The following CTNNA3 variants were observed in gnomAD, a reference collection of about 807,000 sequenced individuals.
The protein encoded by CTNNA3 is catenin alpha 3.
A neutral mutation model predicts 95.7 loss-of-function variants in CTNNA3; 76 were observed. The observed-to-expected ratio is 0.79, with a 90% CI of 0.66 to 0.96. CTNNA3 has a LOEUF of 0.96. Ranked by LOEUF, CTNNA3 falls within the 40% of genes least tolerant of loss-of-function variation. CTNNA3 has a pLI of 0.00. For synonymous variants in CTNNA3, 431 were observed against 374.4 expected, an observed-to-expected ratio of 1.15 and a Z score of -1.74; for missense variants, 1,191 against 1,089.8, an observed-to-expected ratio of 1.09 and a Z score of -1.31.
intron 10 of CTNNA3, among the ~76,000 whole-genome samples, chr10:66,614,516 T>A (rs1844442913): frequency 6.6e-6 from 1 of 152,040 alleles, no homozygotes; most frequent in Non-Finnish European, 1.5e-5. Context: ...TCTTTTTATA[T>A]TTCACATGCT....
At chr10:65,960,520 G>A (rs74881356) in intron 17 of CTNNA3, among the ~76,000 whole-genome samples, 17,404 of 151,856 alleles carry the variant, frequency 0.11, 1,160 homozygotes, top group East Asian at 0.2. Flanking sequence ...GCGAGACTCC[G>A]TCTCAACAAC....
intron 7 of CTNNA3, among the ~76,000 whole-genome samples, chr10:67,050,959 A>C (rs1855051556): frequency 6.6e-6 from 1 of 152,318 alleles, no homozygotes; most frequent in Middle Eastern, 3.4e-3. Context: ...GAGTCCCACA[A>C]ATCAGCCCCC....
At chr10:66,620,921 G>A (rs759261793) in intron 10 of CTNNA3, among the ~76,000 whole-genome samples, 4 of 152,000 alleles carry the variant, frequency 2.6e-5, no homozygotes, top group Non-Finnish European at 5.9e-5. Flanking sequence ...TAACATTTGT[G>A]GTCTTTATTA....
chr10:66,704,828 C>T (rs1166763802), intron 9 of CTNNA3, among the ~76,000 whole-genome samples: 1 of 152,138 alleles, frequency 6.6e-6, no homozygotes, highest in Non-Finnish European at 1.5e-5. Flanking sequence ...TAAATGATCT[C>T]ATGTCATCTG....
At chr10:66,102,865 C>CA in intron 14 of CTNNA3, among the ~76,000 whole-genome samples, 1 of 152,066 alleles carries the variant, frequency 6.6e-6, no homozygotes, top group Non-Finnish European at 1.5e-5. Flanking sequence ...CTAGTCTAAG[C>CA]AAACATGTAC....
Position 67,462,705 on chromosome 10 carries a change from CGT to C in CTNNA3, c.579+59135_579+59136del, listed in dbSNP as rs1265116801. ...CCTCTAACAATGAGTAAAGGGAAGA[CGT>C]GGTGATCTGAGAAGGTGAGATAAAC... On this transcript the variant is annotated intron_variant, in intron 5 of 17. Coordinates refer to ENST00000433211, the MANE Select transcript of CTNNA3 (RefSeq NM_013266.4). 2.6e-5 allele frequency among the ~76,000 whole-genome samples: 4 copies of C among 152,148 alleles called. No individual in the cohort carries two copies. In the East Asian group the frequency reaches 7.7e-4, roughly 29 times the overall value.
At chr10:67,718,752 G>C (rs1336260093) in intron 1 of CTNNA3, among the ~76,000 whole-genome samples, 3 of 152,160 alleles carry the variant, frequency 2.0e-5, no homozygotes, top group Admixed American at 2.0e-4. Flanking sequence ...AGGGATGTTG[G>C]CCTGAAATTT....
chr10:67,211,927 A>G (rs1016290591), intron 6 of CTNNA3, among the ~76,000 whole-genome samples: 2 of 152,118 alleles, frequency 1.3e-5, no homozygotes, highest in Admixed American at 6.5e-5. Flanking sequence ...GCAATTTGAT[A>G]CTATTAATAA....
chr10:66,674,765 G>A (rs533996949), intron 9 of CTNNA3, among the ~76,000 whole-genome samples: 1 of 152,122 alleles, frequency 6.6e-6, no homozygotes, highest in Admixed American at 6.6e-5. Context: ...CATCCTAGTG[G>A]TTGATACGGG....
chr10:67,671,781 C>T (rs1840439407), intron 1 of CTNNA3, among the ~76,000 whole-genome samples: 1 of 151,850 alleles, frequency 6.6e-6, no homozygotes, highest in East Asian at 1.9e-4. Flanking sequence ...TGGGTTGGTT[C>T]CAAGTCTTTG....
intron 5 of CTNNA3, among the ~76,000 whole-genome samples, chr10:67,454,499 G>A (rs1391913682): frequency 6.6e-6 from 1 of 152,120 alleles, no homozygotes; most frequent in Non-Finnish European, 1.5e-5. Flanking sequence ...AACATAGGAT[G>A]CTGATTTACA....
At chr10:66,864,704 A>T (rs1303453472) in intron 7 of CTNNA3, among the ~76,000 whole-genome samples, 2 of 152,134 alleles carry the variant, frequency 1.3e-5, no homozygotes. Flanking sequence ...CTATTTTGCA[A>T]CATTGCAAAC....
chr10:67,479,820 A>G (rs1848149815), intron 5 of CTNNA3, among the ~76,000 whole-genome samples: 1 of 152,170 alleles, frequency 6.6e-6, no homozygotes, highest in African/African-American at 2.4e-5. Flanking sequence ...GCAAGGATAG[A>G]CAAGATCAAT....
intron 12 of CTNNA3, among the ~76,000 whole-genome samples, chr10:66,323,589 T>C (rs1257753565): frequency 6.7e-6 from 1 of 150,332 alleles, no homozygotes; most frequent in Non-Finnish European, 1.5e-5. Context: ...GAGGCGGAGG[T>C]TGCAGTGAGC....
intron 7 of CTNNA3, among the ~76,000 whole-genome samples, chr10:66,842,448 A>G (rs1204507542): frequency 2.0e-5 from 3 of 152,206 alleles, no homozygotes; most frequent in Non-Finnish European, 4.4e-5. Context: ...ACAGAATCAC[A>G]TGATGAATCA....
chr10:66,910,384 A>T (rs569601841), intron 7 of CTNNA3, among the ~76,000 whole-genome samples: 1 of 152,338 alleles, frequency 6.6e-6, no homozygotes, highest in East Asian at 1.9e-4. Flanking sequence ...GCCAAGTCTT[A>T]TACAATATGA....
intron 7 of CTNNA3, among the ~76,000 whole-genome samples, chr10:66,906,390 G>A (rs1383340484): frequency 1.3e-5 from 2 of 152,250 alleles, no homozygotes; most frequent in Admixed American, 6.5e-5. Flanking sequence ...TCATGGAGAT[G>A]CATTCAACAA....
chr10:66,806,085 A>G (rs923265612), intron 7 of CTNNA3, among the ~76,000 whole-genome samples: 15 of 152,162 alleles, frequency 9.9e-5, no homozygotes, highest in African/African-American at 3.6e-4. Flanking sequence ...AGTAACGTAA[A>G]ATGCTCAATG....
chr10:67,054,526 A>G (rs1328253718), intron 7 of CTNNA3: 3 of 152,184 alleles, frequency 2.0e-5, no homozygotes, highest in Non-Finnish European at 2.9e-5. Flanking sequence ...GACTTTTTAA[A>G]GTAAATGCTT....
Sources: gnomAD v4.1 joint callset for allele counts (sites outside exome capture counted in the v4.1 genomes callset) on GRCh38, gnomAD v4.1.1 for gene constraint, MANE v1.5 for transcripts, NCBI Gene and HGNC (gene_info 2026-07-23, HGNC 2026-07-21) for gene names.